The following DEK variants were observed in gnomAD, a reference collection of about 807,000 sequenced individuals.
DEK encodes the protein DEK proto-oncogene.
DEK carries 28 observed loss-of-function variants against 46.8 expected under a neutral mutation model. The observed-to-expected ratio is 0.60, with a 90% CI of 0.44 to 0.82. The LOEUF is 0.82. DEK is among the 40% of genes least tolerant of loss of function. DEK has a pLI of 0.00. For synonymous variants in DEK, 160 were observed against 144.5 expected (o/e 1.11, Z -0.77); for missense variants, 416 against 430.6 (o/e 0.97, Z 0.30).
intron 7 of DEK, among the ~76,000 whole-genome samples, chr6:18,243,953 T>A (rs1177695554): frequency 1.3e-5 from 2 of 151,858 alleles, no homozygotes; most frequent in African/African-American, 4.9e-5. Flanking sequence ...GGCAACAGAG[T>A]AAGACGTACG....
At position 18,263,875 on chromosome 6, in the gene DEK, T is replaced by C. The variant is rs1414391949; in HGVS notation, c.113A>G (p.Glu38Gly). 11 of 1,612,948 alleles carry C rather than the reference T, an allele frequency of 6.8e-6. No homozygotes were observed. The highest frequency in any genetic ancestry group is 8.5e-6 in the Non-Finnish European group (10 of 1,179,456). Residue 38 changes from glutamate to glycine, a missense_variant, in exon 2 of 11, where the codon GAG becomes GGG. Physicochemically the swap from Glu to Gly is moderately conservative, Grantham distance 98 (BLOSUM62 -2). Coordinates refer to ENST00000652689, the MANE Select transcript of DEK (RefSeq NM_003472.4). Reference protein sequence around the residue: ...PREESEEEEDEDDEEEEEEEK... With the variant: ...PREESEEEEDGDDEEEEEEEK... ...CTCCTCCTCCTCCTCCTCGTCGTCC[T>C]CGTCCTCTTCCTCCTCGCTCTCCTC... is the stretch of plus-strand genomic sequence containing the variant.
chr6:18,224,472 T>C lies in DEK; in HGVS notation c.*1247A>G, dbSNP rs1790021600. On this transcript the variant is annotated 3_prime_UTR_variant, in exon 11 of 11. Transcript: ENST00000652689. Reference sequence around the variant, plus strand: ...TTAAAATTCAGATTTAATAAACTGATTTAAGACAGTAAATTTGAAAGACAA... The same window carrying C: ...TTAAAATTCAGATTTAATAAACTGACTTAAGACAGTAAATTTGAAAGACAA... 5.0e-6 allele frequency: 1 copy of C among 198,880 alleles called. No homozygotes were observed. The highest frequency in any genetic ancestry group is 2.3e-5 in the African/African-American group (1 of 43,442). The allele number at this position is 198,880 out of a possible 1,614,324, so 12.3% of individuals were successfully genotyped here.
Position 18,242,081 on chromosome 6 carries a change from G to A in DEK, c.763-4565C>T, listed in dbSNP as rs528885692. On this transcript the variant is annotated intron_variant, in intron 7 of 10. Coordinates refer to ENST00000652689, the MANE Select transcript of DEK (RefSeq NM_003472.4). ...TCTAGAGAGAACTCTGAAGATAGAA[G>A]TACATAAACAAGAAGCTTTAGAAAG... Among the ~76,000 whole-genome samples, 6 of 152,320 alleles carry A rather than the reference G, an allele frequency of 3.9e-5. No homozygotes were observed. The East Asian group carries it at 1.2e-3, about 29-fold the overall frequency.
At chr6:18,252,418 AG>A (rs1463107586) in intron 6 of DEK, among the ~76,000 whole-genome samples, 1 of 146,612 alleles carries the variant, frequency 6.8e-6, no homozygotes, top group Non-Finnish European at 1.5e-5. Context: ...CTGAGGTGAG[AG>A]GATCACCTGA....
intron 2 of DEK, among the ~76,000 whole-genome samples, chr6:18,259,599 TAA>T (rs1479409354): frequency 6.6e-6 from 1 of 151,940 alleles, no homozygotes; most frequent in Non-Finnish European, 1.5e-5. Flanking sequence ...CACTCAATAC[TAA>T]GAGGGGATAA....
intron 9 of DEK, among the ~76,000 whole-genome samples, 177 bp from the exon 10 acceptor site, chr6:18,226,419 T>C (rs948186644): frequency 1.3e-5 from 2 of 152,190 alleles, no homozygotes; most frequent in Non-Finnish European, 2.9e-5. Context: ...ATATTGTATA[T>C]GATGTGGAAA....
At chr6:18,236,407 A>T (rs771816265) in intron 9 of DEK, 45 bp downstream of exon 9, 1 of 1,586,974 alleles carries the variant, frequency 6.3e-7, no homozygotes, top group South Asian at 1.1e-5. Flanking sequence ...AAGTGAAAGA[A>T]TTTTTCTAGC....
intron 7 of DEK, among the ~76,000 whole-genome samples, chr6:18,241,810 T>TA (rs1554159567): frequency 6.6e-6 from 1 of 152,206 alleles, no homozygotes; most frequent in Non-Finnish European, 1.5e-5. Context: ...GAGGGCTGTA[T>TA]AAAAACAGGC....
chr6:18,253,504 A>C (rs930668563), intron 6 of DEK, among the ~76,000 whole-genome samples: 4 of 152,226 alleles, frequency 2.6e-5, no homozygotes, highest in African/African-American at 9.6e-5. Flanking sequence ...TCAGGGAACC[A>C]ATATTTACAA....
intron 2 of DEK, among the ~76,000 whole-genome samples, chr6:18,261,409 T>G (rs916326007): frequency 6.6e-6 from 1 of 152,070 alleles, no homozygotes; most frequent in African/African-American, 2.4e-5. Flanking sequence ...CTTGTCTCTA[T>G]TAAAAATACA....
At chr6:18,237,104 TA>T (rs1210950211) in intron 8 of DEK, 7 of 308,790 alleles carry the variant, frequency 2.3e-5, no homozygotes, top group Middle Eastern at 9.5e-4. Context: ...TCAGGCTATT[TA>T]AGATGAATAT....
intron 7 of DEK, among the ~76,000 whole-genome samples, chr6:18,245,537 T>C (rs1262431657): frequency 2.0e-5 from 3 of 152,174 alleles, no homozygotes; most frequent in Non-Finnish European, 4.4e-5. Context: ...GTATGCGCTA[T>C]AAAAACACTA....
At chr6:18,246,855 A>G (rs1345488088) in intron 7 of DEK, among the ~76,000 whole-genome samples, 1 of 152,248 alleles carries the variant, frequency 6.6e-6, no homozygotes, top group Non-Finnish European at 1.5e-5. Context: ...TACTCCAAGA[A>G]AAACAGAACA....
chr6:18,253,764 A>G (rs1791490467), intron 6 of DEK, among the ~76,000 whole-genome samples: 1 of 152,054 alleles, frequency 6.6e-6, no homozygotes, highest in Non-Finnish European at 1.5e-5. Flanking sequence ...GTCACCTAGG[A>G]TGGAATGCAG....
chr6:18,256,137 G>A (rs568555271), intron 5 of DEK, among the ~76,000 whole-genome samples: 29 of 152,010 alleles, frequency 1.9e-4, no homozygotes, highest in African/African-American at 3.6e-4. Flanking sequence ...ACAGGCATGC[G>A]CCACCACAGC....
chr6:18,263,479 G>A (rs1287866167), intron 2 of DEK, among the ~76,000 whole-genome samples: 2 of 151,388 alleles, frequency 1.3e-5, no homozygotes, highest in African/African-American at 2.4e-5. Flanking sequence ...GACAAAATTA[G>A]AACATCCACT....
intron 9 of DEK, among the ~76,000 whole-genome samples, chr6:18,230,356 A>G (rs1561973362): frequency 6.6e-6 from 1 of 152,226 alleles, no homozygotes; most frequent in Non-Finnish European, 1.5e-5. Context: ...TCATAATGAC[A>G]GGATCAAATT....
chr6:18,237,836 T>C (rs1790726272), intron 7 of DEK, among the ~76,000 whole-genome samples: 1 of 151,620 alleles, frequency 6.6e-6, no homozygotes, highest in Non-Finnish European at 1.5e-5. Flanking sequence ...CTCTTATTTA[T>C]GTTCTCTCTC....
intron 7 of DEK, among the ~76,000 whole-genome samples, chr6:18,239,458 C>T (rs1480183031): frequency 1.3e-5 from 2 of 151,240 alleles, no homozygotes; most frequent in Admixed American, 6.6e-5. Flanking sequence ...GCACACACCA[C>T]CTCACCTGGC....
Sources: gnomAD v4.1 joint callset for allele counts (sites outside exome capture counted in the v4.1 genomes callset) on GRCh38, gnomAD v4.1.1 for gene constraint, MANE v1.5 for transcripts, NCBI Gene and HGNC (gene_info 2026-07-23, HGNC 2026-07-21) for gene names.